Variants in ARHGEF12 observed in about 807,000 individuals in gnomAD.
ARHGEF12 encodes KMT2A/ARHGEF12 fusion protein.
Under a neutral mutation model 211.2 loss-of-function variants are expected in ARHGEF12, and 66 were observed. That is an observed-to-expected ratio of 0.31 (90% confidence interval 0.26 to 0.38). The LOEUF (loss-of-function observed/expected upper bound fraction) is 0.38, where lower values mean the gene tolerates loss of function less well. Ranked by LOEUF, ARHGEF12 falls within the 10% of genes least tolerant of loss-of-function variation. The pLI, the probability that ARHGEF12 is intolerant of heterozygous loss-of-function variation, is 1.00. For missense variants in ARHGEF12, 1,429 were observed against 1,869.5 expected, an observed-to-expected ratio of 0.76 and a Z score of 4.34; for synonymous variants, 592 against 638.4, an observed-to-expected ratio of 0.93 and a Z score of 1.09.
chr11:120,383,028 G>C (rs1387023091), intron 1 of ARHGEF12, among the ~76,000 whole-genome samples: 1 of 152,088 alleles, frequency 6.6e-6, no homozygotes, highest in Non-Finnish European at 1.5e-5. Context: ...GGTCCCAGCT[G>C]CTTGGGAGGC....
intron 1 of ARHGEF12, among the ~76,000 whole-genome samples, chr11:120,367,762 G>T (rs1275919961): frequency 6.6e-6 from 1 of 152,198 alleles, no homozygotes; most frequent in Non-Finnish European, 1.5e-5. Flanking sequence ...CTTAAGGTCA[G>T]GTGTTTGAGA....
chr11:120,373,507 A>G lies in ARHGEF12; in HGVS notation c.33-32611A>G, dbSNP rs895833409. 4.6e-5 allele frequency among the ~76,000 whole-genome samples: 7 copies of G among 152,358 alleles called. No homozygotes were observed. The East Asian group carries it at 1.4e-3, about 29-fold the overall frequency. On this transcript the variant is annotated intron_variant, in intron 1 of 40. Coordinates refer to ENST00000397843, the MANE Select transcript of ARHGEF12 (RefSeq NM_015313.3). The stretch of plus-strand genomic sequence containing the variant: ...AACACCTAGAACAGTGCCTGCACAT[A>G]ATAGATGCTCAATACATATTTGGTG...
Position 120,475,451 on chromosome 11 carries a change from A to C in ARHGEF12, c.3221A>C (p.His1074Pro), listed in dbSNP as rs1947000390. ...CTGGCATCTACAGCTGATAGCAAAC[A>C]CACGTTTAGCCCTGTCATTAAGTTG... ...KILASTADSKHTFSPVIKLST... is the reference protein window; with the variant it reads ...KILASTADSKPTFSPVIKLST... Residue 1074 changes from histidine to proline, a missense_variant, in exon 33 of 41, where the codon CAC (histidine) becomes CCC (proline). Physicochemically the swap from His to Pro is moderately conservative, Grantham distance 77. Around this residue, in one of 7 missense-constraint regions of ARHGEF12, gnomAD observed 223 missense variants for 444.6 expected, o/e 0.50. Transcript: ENST00000397843. 1 of 1,614,184 alleles carries C rather than the reference A, an allele frequency of 6.2e-7. No individual in the cohort carries two copies. Among genetic ancestry groups the C allele is most frequent in the Non-Finnish European group, 8.5e-7 (1 of 1,180,022 alleles).
intron 1 of ARHGEF12, among the ~76,000 whole-genome samples, chr11:120,392,400 G>A (rs1413618905): frequency 6.6e-6 from 1 of 152,052 alleles, no homozygotes; most frequent in Non-Finnish European, 1.5e-5. Context: ...TTTTTGTGGA[G>A]TTTATCTTCC....
chr11:120,465,103 T>C (rs1388433978), intron 27 of ARHGEF12, 134 bp from the exon 28 acceptor site: 2 of 1,109,604 alleles, frequency 1.8e-6, no homozygotes, highest in African/African-American at 3.1e-5. Context: ...ACCATTGATA[T>C]TCCACATAGA....
At chr11:120,417,266 A>G (rs114587968) in intron 4 of ARHGEF12, among the ~76,000 whole-genome samples, 1,550 of 152,236 alleles carry the variant, frequency 0.01, 31 homozygotes, top group African/African-American at 0.036. Flanking sequence ...GCAGTCACCC[A>G]TATTAGAAAC....
At chr11:120,404,833 A>G (rs1944652378) in intron 1 of ARHGEF12, among the ~76,000 whole-genome samples, 1 of 152,180 alleles carries the variant, frequency 6.6e-6, no homozygotes, top group Non-Finnish European at 1.5e-5. Flanking sequence ...ATTAAGAAAC[A>G]TGTTCCCATT....
At chr11:120,456,926 A>AT (rs1946380613) in intron 22 of ARHGEF12, 192 bp from the exon 23 acceptor site, 1 of 525,066 alleles carries the variant, frequency 1.9e-6, no homozygotes, top group East Asian at 3.3e-5. Flanking sequence ...TGAGGCTGAG[A>AT]TGGGAGGATC....
In ARHGEF12 at chr11:120,481,418, G is replaced by A; in HGVS notation, c.4396G>A (p.Ala1466Thr). ...HSPQNTHSDG[A>T]ISPFTPEFLV... ...TCCTCAGAATACTCACTCCGATGGG[G>A]CAATTTCACCATTCACCCCCGAATT... Residue 1466 changes from alanine to threonine, a missense_variant, in exon 39 of 41, where the codon GCA (alanine) becomes ACA (threonine). Physicochemically the swap from Ala to Thr is moderately conservative, Grantham distance 58. Transcript: ENST00000397843. 5 of 1,614,148 alleles carry A rather than the reference G, an allele frequency of 3.1e-6. No individual in the cohort carries two copies. Among genetic ancestry groups the A allele is most frequent in the Non-Finnish European group, 4.2e-6 (5 of 1,180,022 alleles).
intron 21 of ARHGEF12, chr11:120,450,526 G>A (rs900520620): frequency 1.3e-5 from 2 of 152,158 alleles, no homozygotes; most frequent in Non-Finnish European, 2.9e-5. Context: ...TTTAGAGGAA[G>A]TTAAAGAGAT....
intron 1 of ARHGEF12, among the ~76,000 whole-genome samples, chr11:120,373,453 ATGTT>A (rs1335257784): frequency 6.6e-6 from 1 of 152,174 alleles, no homozygotes; most frequent in Non-Finnish European, 1.5e-5. Flanking sequence ...GAAATGAGGG[ATGTT>A]TGTTTTATCC....
At chr11:120,442,830 C>T (rs747419) in intron 15 of ARHGEF12, among the ~76,000 whole-genome samples, 32,643 of 151,782 alleles carry the variant, frequency 0.22, 3,786 homozygotes, top group African/African-American at 0.24. Flanking sequence ...AGACGACTGC[C>T]TCATGCTTTT....
chr11:120,483,620 A>G (rs565574411), intron 39 of ARHGEF12, among the ~76,000 whole-genome samples: 2 of 138,790 alleles, frequency 1.4e-5, no homozygotes, highest in East Asian at 4.5e-4. Context: ...TTATTTATGT[A>G]TTTATATTTT....
chr11:120,365,037 T>C (rs1458433322), intron 1 of ARHGEF12, among the ~76,000 whole-genome samples: 1 of 152,140 alleles, frequency 6.6e-6, no homozygotes, highest in African/African-American at 2.4e-5. Context: ...TTCTCCCACA[T>C]TGGCCTCCCG....
At position 120,421,846 on chromosome 11, in the gene ARHGEF12, C is replaced by T; in HGVS notation, c.342C>T (p.Ile114=). ...CTGGAGTACAGACAGGTGATCGAATCATCAAGGTAAGGAATAGGCTATTAT... is the reference window on the plus strand; with the variant it reads ...CTGGAGTACAGACAGGTGATCGAATTATCAAGGTAAGGAATAGGCTATTAT... ...MRAGVQTGDR[I]IKVNGTLVTH... Residue 114 remains isoleucine, a synonymous_variant, in exon 6 of 41, where the codon ATC becomes ATT. Coordinates refer to ENST00000397843, the MANE Select transcript of ARHGEF12 (RefSeq NM_015313.3). 6.2e-7 allele frequency: 1 copy of T among 1,610,668 alleles called. No homozygotes were observed. Among genetic ancestry groups the T allele is most frequent in the Non-Finnish European group, 8.5e-7 (1 of 1,178,260 alleles).
chr11:120,363,508 C>G (rs7102512), intron 1 of ARHGEF12, among the ~76,000 whole-genome samples: 75 of 152,210 alleles, frequency 4.9e-4, no homozygotes, highest in African/African-American at 1.8e-3. Flanking sequence ...TACTGGTTTT[C>G]TATTTATAAT....
At chr11:120,471,857 T>G (rs564677541) in intron 30 of ARHGEF12, among the ~76,000 whole-genome samples, 1 of 152,206 alleles carries the variant, frequency 6.6e-6, no homozygotes, top group African/African-American at 2.4e-5. Context: ...TGTGGGGGAA[T>G]GTACATACCC....
chr11:120,380,536 G>A (rs576995974), intron 1 of ARHGEF12, among the ~76,000 whole-genome samples: 9 of 152,240 alleles, frequency 5.9e-5, no homozygotes, highest in East Asian at 5.8e-4. Flanking sequence ...CCCAGTCTGC[G>A]TTTGCTGCTG....
At chr11:120,381,166 G>A (rs781763892) in intron 1 of ARHGEF12, among the ~76,000 whole-genome samples, 9 of 152,196 alleles carry the variant, frequency 5.9e-5, no homozygotes, top group Non-Finnish European at 7.3e-5. Flanking sequence ...AGGGGACAGA[G>A]CTAGGTAATA....
Sources: allele counts gnomAD v4.1 joint callset (sites outside exome capture counted in the v4.1 genomes callset), GRCh38; gene constraint gnomAD v4.1.1; regional missense constraint gnomAD v4.1.1; transcripts MANE v1.5; gene names NCBI Gene and HGNC (gene_info 2026-07-23, HGNC 2026-07-21).